Variants in TBC1D4 observed in about 807,000 individuals in gnomAD.
TBC1D4 encodes TBC (Tre-2, BUB2, CDC16) domain-containing protein.
In TBC1D4, 121 loss-of-function variants were observed where a neutral mutation model predicts 142.5. That is an observed-to-expected ratio of 0.85 (90% CI 0.73 to 0.99). The LOEUF (loss-of-function observed/expected upper bound fraction) is 0.99, where lower values mean the gene tolerates loss of function less well. Among genes scored for constraint, TBC1D4 ranks in the 50% least tolerant of loss-of-function variants. The pLI is 0.00. For synonymous variants in TBC1D4, 630 were observed against 628.2 expected (o/e 1.00, Z -0.04); for missense variants, 1,475 against 1,606.6 (o/e 0.92, Z 1.40).
intron 1 of TBC1D4, among the ~76,000 whole-genome samples, chr13:75,404,273 T>C (rs1174450338): frequency 6.6e-6 from 1 of 152,208 alleles, no homozygotes; most frequent in African/African-American, 2.4e-5. Flanking sequence ...TAGTTTTAGA[T>C]TTACAGAAAA....
At chr13:75,367,758 G>A (rs961415940) in intron 1 of TBC1D4, among the ~76,000 whole-genome samples, 1 of 6,582 alleles carries the variant, frequency 1.5e-4, no homozygotes, top group Middle Eastern at 0.071. Context: ...CAGGCAACAC[G>A]GGGATGATGT....
chr13:75,420,901 G>A lies in TBC1D4; in HGVS notation c.499-58294C>T, dbSNP rs17064408. On this transcript the variant is annotated intron_variant, in intron 1 of 20. Coordinates refer to ENST00000377636, the MANE Select transcript of TBC1D4 (RefSeq NM_014832.5). Reference sequence around the variant, plus strand: ...GAGCTGAACGAGGCCTTCAGAAAACGGACCTTGAGTGAACAGAAAAGACCA... The same window carrying A: ...GAGCTGAACGAGGCCTTCAGAAAACAGACCTTGAGTGAACAGAAAAGACCA... 5.5e-3 allele frequency among the ~76,000 whole-genome samples: 843 copies of A among 152,168 alleles called. 22 individuals are homozygous for A. In the East Asian group the frequency reaches 0.065, roughly 12 times the overall value.
intron 8 of TBC1D4, among the ~76,000 whole-genome samples, chr13:75,330,562 T>C (rs939564102): frequency 3.3e-5 from 5 of 152,206 alleles, no homozygotes; most frequent in Non-Finnish European, 5.9e-5. Context: ...GAAGTTCTGA[T>C]AGATTACATT....
intron 1 of TBC1D4, among the ~76,000 whole-genome samples, chr13:75,480,107 AC>A (rs1207961982): frequency 2.6e-5 from 4 of 152,234 alleles, no homozygotes; most frequent in Non-Finnish European, 5.9e-5. Flanking sequence ...CAATTCAACT[AC>A]AAGCCTTTTG....
chr13:75,302,553 T>G (rs1387678093), intron 15 of TBC1D4, 152 bp from the exon 16 acceptor site: 17 of 874,136 alleles, frequency 1.9e-5, no homozygotes, highest in Non-Finnish European at 3.1e-5. Flanking sequence ...GAAGCATATT[T>G]TGACAAGCTG....
chr13:75,405,236 G>A (rs972721632), intron 1 of TBC1D4, among the ~76,000 whole-genome samples: 3 of 149,646 alleles, frequency 2.0e-5, no homozygotes, highest in African/African-American at 7.3e-5. Context: ...CAAATTATAG[G>A]TACGTCTGTG....
At chr13:75,327,297 A>G (rs2138014738) in intron 9 of TBC1D4, among the ~76,000 whole-genome samples, 1 of 152,306 alleles carries the variant, frequency 6.6e-6, no homozygotes, top group South Asian at 2.1e-4. Flanking sequence ...GCCTCAGGTG[A>G]CATACTGCAC....
chr13:75,305,313 A>C (rs1266526820), intron 15 of TBC1D4, among the ~76,000 whole-genome samples: 4 of 152,214 alleles, frequency 2.6e-5, no homozygotes, highest in Non-Finnish European at 5.9e-5. Flanking sequence ...ACTAGTACAA[A>C]GGCCTTGGGC....
At chr13:75,398,072 C>T (rs1884891712) in intron 1 of TBC1D4, among the ~76,000 whole-genome samples, 1 of 152,178 alleles carries the variant, frequency 6.6e-6, no homozygotes, top group Non-Finnish European at 1.5e-5. Flanking sequence ...GCCTGGCCAG[C>T]CCCAGGTGTT....
intron 1 of TBC1D4, among the ~76,000 whole-genome samples, chr13:75,393,185 T>C (rs1319679290): frequency 1.3e-5 from 2 of 151,214 alleles, no homozygotes; most frequent in Non-Finnish European, 2.9e-5. Flanking sequence ...TACTACTGCA[T>C]TTGGTTTTGT....
chr13:75,327,906 T>A, intron 8 of TBC1D4, 80 bp from the exon 9 acceptor site: 1 of 1,421,544 alleles, frequency 7.0e-7, no homozygotes, highest in East Asian at 2.3e-5. Flanking sequence ...TTCCAGGTGG[T>A]CTCTTAATGT....
At chr13:75,434,945 C>T (rs558210929) in intron 1 of TBC1D4, among the ~76,000 whole-genome samples, 84 of 149,946 alleles carry the variant, frequency 5.6e-4, no homozygotes, top group Non-Finnish European at 8.9e-4. Flanking sequence ...GTTAGGCATT[C>T]GAGATTGGCC....
chr13:75,326,313 C>T lies in TBC1D4; in HGVS notation c.1917G>A (p.Arg639=), dbSNP rs1879251617. Residue 639 remains arginine, a synonymous_variant, in exon 10 of 21, where the codon CGG becomes CGA. Transcript: ENST00000377636. ...AAGGTGGGTGGCTGAACGTGTGTGC[C>T]CGTCTTCGAAACTGCGGGGAGTCGG... ...EDSDSPQFRR[R]AHTFSHPPSS... The T allele has an allele frequency of 6.2e-7, 1 of 1,614,098 alleles. No homozygotes were observed. Among genetic ancestry groups the T allele is most frequent in the South Asian group, 1.1e-5 (1 of 91,064 alleles).
At chr13:75,461,426 A>C (rs1167999036) in intron 1 of TBC1D4, among the ~76,000 whole-genome samples, 1 of 152,260 alleles carries the variant, frequency 6.6e-6, no homozygotes, top group Non-Finnish European at 1.5e-5. Flanking sequence ...TTCCATATAT[A>C]ATGGAGCCAT....
intron 1 of TBC1D4, among the ~76,000 whole-genome samples, chr13:75,409,789 AT>A (rs1204929350): frequency 6.6e-6 from 1 of 152,226 alleles, no homozygotes; most frequent in Non-Finnish European, 1.5e-5. Flanking sequence ...TGTAATTTCA[AT>A]TAATAAATTT....
At chr13:75,422,666 C>T (rs1886218323) in intron 1 of TBC1D4, among the ~76,000 whole-genome samples, 1 of 152,028 alleles carries the variant, frequency 6.6e-6, no homozygotes, top group South Asian at 2.1e-4. Context: ...GCCAGTAAGA[C>T]TATGGAAAGG....
intron 18 of TBC1D4, 123 bp downstream of exon 18, chr13:75,294,731 C>A: frequency 1.0e-6 from 1 of 997,662 alleles, no homozygotes; most frequent in Non-Finnish European, 1.5e-6. Flanking sequence ...TATTAAATTC[C>A]ATTAGCAATT....
At chr13:75,479,528 T>C (rs1334893502) in intron 1 of TBC1D4, among the ~76,000 whole-genome samples, 1 of 151,564 alleles carries the variant, frequency 6.6e-6, no homozygotes, top group Non-Finnish European at 1.5e-5. Flanking sequence ...ACAGCAGCTG[T>C]TGAGAACTAA....
intron 19 of TBC1D4, among the ~76,000 whole-genome samples, 200 bp downstream of exon 19, chr13:75,291,902 A>G (rs1233946471): frequency 2.0e-5 from 3 of 152,216 alleles, no homozygotes; most frequent in African/African-American, 7.2e-5. Flanking sequence ...AAAACTCATT[A>G]CGTAGCACTA....
Sources: allele counts gnomAD v4.1 joint callset (sites outside exome capture counted in the v4.1 genomes callset), GRCh38; gene constraint gnomAD v4.1.1; transcripts MANE v1.5; gene names NCBI Gene and HGNC (gene_info 2026-07-23, HGNC 2026-07-21).